The following ATP6V0D2 variants were observed in gnomAD, a reference collection of about 807,000 sequenced individuals.
ATP6V0D2 encodes the protein ATPase H+ transporting V0 subunit d2.
A neutral mutation model predicts 40.0 loss-of-function variants in ATP6V0D2; 40 were observed. The observed-to-expected ratio is 1.00, with a 90% CI of 0.78 to 1.30. The LOEUF is 1.30. Among genes scored for constraint, ATP6V0D2 ranks in the 50% most tolerant of loss-of-function variants. The pLI, the probability that ATP6V0D2 is intolerant of heterozygous loss-of-function variation, is 0.00. For missense variants in ATP6V0D2, 470 were observed against 423.1 expected (o/e 1.11, Z -0.97); for synonymous variants, 179 against 156.3 (o/e 1.15, Z -1.08).
intron 5 of ATP6V0D2, among the ~76,000 whole-genome samples, chr8:86,148,841 G>A (rs1279468828): frequency 6.6e-6 from 1 of 151,782 alleles, no homozygotes; most frequent in Non-Finnish European, 1.5e-5. Flanking sequence ...GAAGGCCCAG[G>A]ACAGAGGCTT....
intron 1 of ATP6V0D2, 76 bp downstream of exon 1, chr8:86,099,184 A>G (rs1485292517): frequency 1.5e-5 from 22 of 1,435,636 alleles, no homozygotes; most frequent in Non-Finnish European, 1.9e-5. Flanking sequence ...AAGCATGGAG[A>G]AAAAAAGCCC....
intron 2 of ATP6V0D2, among the ~76,000 whole-genome samples, chr8:86,117,106 T>C (rs976221484): frequency 2.6e-5 from 4 of 152,208 alleles, no homozygotes; most frequent in African/African-American, 9.6e-5. Flanking sequence ...CTTCATAATA[T>C]ATGTTGCAAA....
chr8:86,136,878 C>T (rs1433997879), intron 2 of ATP6V0D2, among the ~76,000 whole-genome samples: 2 of 152,170 alleles, frequency 1.3e-5, no homozygotes, highest in Non-Finnish European at 2.9e-5. Flanking sequence ...CTTCCCATCA[C>T]TGTGAAACCT....
chr8:86,128,229 A>G (rs1312686210), intron 2 of ATP6V0D2, among the ~76,000 whole-genome samples: 10 of 152,124 alleles, frequency 6.6e-5, no homozygotes, highest in Non-Finnish European at 1.5e-4. Flanking sequence ...GGTGCCTGTA[A>G]TCCCAGCTAC....
chr8:86,150,158 G>T lies in ATP6V0D2; in HGVS notation c.686G>T (p.Gly229Val), dbSNP rs2129645079. ...RAFIITLNSF[G>V]TELSKEDRET... The stretch of plus-strand genomic sequence containing the variant: ...TTTATCATCACTCTTAACTCCTTTG[G>T]CACTGAATTGAGCAAAGAAGACCGA... The change falls in exon 6 of 8, where the codon GGC (glycine) becomes GTC (valine). Residue 229 changes from glycine (G) to valine (V), a missense_variant. By Grantham distance (109) the Gly-to-Val change is moderately radical. Transcript: ENST00000285393. 1 of 1,613,400 alleles carries T rather than the reference G, an allele frequency of 6.2e-7. No homozygotes were observed. The highest frequency in any genetic ancestry group is 8.5e-7 in the Non-Finnish European group (1 of 1,179,872).
intron 2 of ATP6V0D2, among the ~76,000 whole-genome samples, chr8:86,121,262 G>A (rs7845147): frequency 0.84 from 128,020 of 152,148 alleles, 54,051 homozygotes; most frequent in African/African-American, 0.88. Flanking sequence ...GACCTTAGAG[G>A]TTTATTACAA....
At chr8:86,145,182 GAAA>G (rs1563565995) in intron 5 of ATP6V0D2, among the ~76,000 whole-genome samples, 2 of 13,436 alleles carry the variant, frequency 1.5e-4, no homozygotes, top group African/African-American at 6.0e-4. Flanking sequence ...GAGAAAGAGA[GAAA>G]GAAAGAAAGA....
At chr8:86,120,665 C>T (rs1255644202) in intron 2 of ATP6V0D2, among the ~76,000 whole-genome samples, 1 of 152,190 alleles carries the variant, frequency 6.6e-6, no homozygotes, top group Non-Finnish European at 1.5e-5. Flanking sequence ...AACATATTTA[C>T]TCTGACTTAA....
At chr8:86,114,938 T>C (rs891053900) in intron 2 of ATP6V0D2, among the ~76,000 whole-genome samples, 1 of 152,082 alleles carries the variant, frequency 6.6e-6, no homozygotes, top group African/African-American at 2.4e-5. Flanking sequence ...CGTCAATATA[T>C]TTGTGGAAAG....
rs531429338 is a variant in ATP6V0D2 at position 86,122,682 on chromosome 8, G to A, written c.302+8802G>A. Reference sequence around the variant, plus strand: ...AATTAAGCCACAGCTATAAGAGAAGGCTGAACATTCAATGAGAGGAACCTA... The same window carrying A: ...AATTAAGCCACAGCTATAAGAGAAGACTGAACATTCAATGAGAGGAACCTA... On this transcript the variant is annotated intron_variant, in intron 2 of 7. Coordinates refer to ENST00000285393, the MANE Select transcript of ATP6V0D2 (RefSeq NM_152565.1). 8.5e-5 allele frequency among the ~76,000 whole-genome samples: 13 copies of A among 152,300 alleles called. No homozygotes were observed. The South Asian group carries it at 2.7e-3, about 32-fold the overall frequency.
chr8:86,101,146 CA>C (rs11414383), intron 1 of ATP6V0D2, among the ~76,000 whole-genome samples: 171 of 129,700 alleles, frequency 1.3e-3, no homozygotes, highest in Admixed American at 3.0e-3. Context: ...AATTCTGTCT[CA>C]AAAAAAAAAA....
At chr8:86,102,729 C>T (rs1247330539) in intron 1 of ATP6V0D2, among the ~76,000 whole-genome samples, 1 of 152,144 alleles carries the variant, frequency 6.6e-6, no homozygotes, top group Non-Finnish European at 1.5e-5. Context: ...TATTCTGAGG[C>T]CTGCCCCTGA....
At chr8:86,100,039 TA>T (rs60101140) in intron 1 of ATP6V0D2, among the ~76,000 whole-genome samples, 41,630 of 145,072 alleles carry the variant, frequency 0.29, 9,281 homozygotes, top group African/African-American at 0.63. Flanking sequence ...TAACTGAAGT[TA>T]AAAAAAAAAA....
At chr8:86,151,068 C>T (rs1005109053) in intron 6 of ATP6V0D2, among the ~76,000 whole-genome samples, 1 of 152,262 alleles carries the variant, frequency 6.6e-6, no homozygotes, top group Non-Finnish European at 1.5e-5. Context: ...CAAATTCCAC[C>T]CCTTCCACAC....
At chr8:86,143,072 A>C in intron 5 of ATP6V0D2, 118 bp downstream of exon 5, 1 of 629,196 alleles carries the variant, frequency 1.6e-6, no homozygotes, top group East Asian at 2.7e-5. Context: ...AAGTAAGACA[A>C]GCAGTACATT....
intron 5 of ATP6V0D2, among the ~76,000 whole-genome samples, chr8:86,145,233 A>AAGAAAGAAAGAGAGAG (rs1554589869): frequency 5.2e-5 from 2 of 38,442 alleles, no homozygotes; most frequent in East Asian, 6.2e-4. Flanking sequence ...GAAAGAAAGA[A>AAGAAAGAAAGAGAGAG]AGAGAGAGAG....
At position 86,153,706 on chromosome 8, in the gene ATP6V0D2, C is replaced by G. The variant is rs1819189098; in HGVS notation, c.*729C>G. 6.6e-6 allele frequency: 1 copy of G among 152,086 alleles called. No individual in the cohort carries two copies. The highest frequency in any genetic ancestry group is 1.5e-5 in the Non-Finnish European group (1 of 68,048). 9.4% of individuals were successfully genotyped at this position (152,086 alleles called of 1,614,324 possible). A position where few individuals can be genotyped will look rare whatever the true frequency, so the allele number is the denominator to read the frequency against. ...TTCCTTGCCTAGATTCACAGAAATC[C>G]AAAGCTGTATGTAGTCAACATGGTT... On this transcript the variant is annotated 3_prime_UTR_variant, in exon 8 of 8. Coordinates refer to ENST00000285393, the MANE Select transcript of ATP6V0D2 (RefSeq NM_152565.1).
rs570339105 is a variant in ATP6V0D2 at position 86,106,840 on chromosome 8, A to T, written c.131-6869A>T. ...ACAAATTAATATTTGAGGCTCATTT[A>T]TGTGGCAAAAAAATGCATTTGGAGC... On this transcript the variant is annotated intron_variant, in intron 1 of 7. Transcript: ENST00000285393. Among the ~76,000 whole-genome samples, 218 of 152,246 alleles carry T rather than the reference A, an allele frequency of 1.4e-3. 2 individuals carry two copies. Among genetic ancestry groups the T allele is most frequent in the South Asian group, 6.2e-4 (3 of 4,820 alleles).
At chr8:86,146,869 A>C (rs1343650670) in intron 5 of ATP6V0D2, among the ~76,000 whole-genome samples, 2 of 152,138 alleles carry the variant, frequency 1.3e-5, no homozygotes, top group Non-Finnish European at 2.9e-5. Flanking sequence ...TAAAGCACTT[A>C]CTGTTTATAG....
Sources: gnomAD v4.1 joint callset for allele counts (sites outside exome capture counted in the v4.1 genomes callset) on GRCh38, gnomAD v4.1.1 for gene constraint, MANE v1.5 for transcripts, NCBI Gene and HGNC (gene_info 2026-07-23, HGNC 2026-07-21) for gene names.